The following KANSL1L variants were observed in gnomAD, a reference collection of about 807,000 sequenced individuals.
The protein encoded by KANSL1L is KAT8 regulatory NSL complex subunit 1 like.
Under a neutral mutation model 108.6 loss-of-function variants are expected in KANSL1L, and 25 were observed. The ratio of observed to expected loss-of-function variants is 0.23; its 90% CI spans 0.17 to 0.32. The LOEUF is 0.32. Among genes scored for constraint, KANSL1L ranks in the 10% least tolerant of loss-of-function variants. The pLI is 1.00. For missense variants in KANSL1L, 1,137 were observed against 1,125.7 expected, an observed-to-expected ratio of 1.01 and a Z score of -0.14; for synonymous variants, 405 against 395.1, an observed-to-expected ratio of 1.03 and a Z score of -0.30.
At chr2:210,158,328 A>G (rs757963250) in intron 1 of KANSL1L, among the ~76,000 whole-genome samples, 2 of 152,184 alleles carry the variant, frequency 1.3e-5, no homozygotes, top group Non-Finnish European at 2.9e-5. Flanking sequence ...TCTCCAACCA[A>G]CATATAGCAA....
chr2:210,101,782 T>G (rs2094796057), intron 4 of KANSL1L, among the ~76,000 whole-genome samples: 1 of 152,206 alleles, frequency 6.6e-6, no homozygotes, highest in African/African-American at 2.4e-5. Context: ...AATTATAAAT[T>G]TAACAAATAC....
At chr2:210,045,650 T>C (rs1204841643) in intron 6 of KANSL1L, among the ~76,000 whole-genome samples, 2 of 152,226 alleles carry the variant, frequency 1.3e-5, no homozygotes, top group Non-Finnish European at 2.9e-5. Context: ...TTTCTCCGAA[T>C]TCTCTCAGTT....
At chr2:210,166,138 C>T (rs1299505357) in intron 1 of KANSL1L, among the ~76,000 whole-genome samples, 1 of 152,114 alleles carries the variant, frequency 6.6e-6, no homozygotes. Flanking sequence ...AAAGGTCTTG[C>T]CCTGTTGTCT....
At chr2:210,061,734 T>C (rs528956587) in intron 6 of KANSL1L, among the ~76,000 whole-genome samples, 1 of 152,304 alleles carries the variant, frequency 6.6e-6, no homozygotes, top group Admixed American at 6.5e-5. Context: ...GCAAAAGATA[T>C]GATTCTCTTA....
chr2:210,151,619 T>A (rs1437673769), intron 2 of KANSL1L: 2 of 152,214 alleles, frequency 1.3e-5, no homozygotes, highest in Non-Finnish European at 2.9e-5. Flanking sequence ...TTACTTGGCT[T>A]TTTAACCATT....
At chr2:210,151,758 GA>G (rs2095305581) in intron 2 of KANSL1L, 1 of 152,090 alleles carries the variant, frequency 6.6e-6, no homozygotes, top group South Asian at 2.1e-4. Flanking sequence ...ATGCCAGCCA[GA>G]AAAATAATCT....
intron 9 of KANSL1L, among the ~76,000 whole-genome samples, chr2:210,030,563 T>C (rs2094003731): frequency 6.6e-6 from 1 of 150,514 alleles, no homozygotes; most frequent in Non-Finnish European, 1.5e-5. Context: ...GTAGTAAATA[T>C]ATATATGTAT....
At position 210,024,177 on chromosome 2, in the gene KANSL1L, T is replaced by C; in HGVS notation, c.2589A>G (p.Gly863=). 6.3e-7 allele frequency: 1 copy of C among 1,587,684 alleles called. No homozygotes were observed. The highest frequency in any genetic ancestry group is 8.6e-7 in the Non-Finnish European group (1 of 1,168,340). The change falls in exon 14 of 15, where the codon GGA becomes GGG. Residue 863 remains glycine, a synonymous_variant. Coordinates refer to ENST00000281772, the MANE Select transcript of KANSL1L (RefSeq NM_152519.4). ...NSRAYSKNVE[G]QDLLLKEYPN... ...GGTATTCTTTCAAAAGCAAGTCCTG[T>C]CCTTCAACATTTTTACTGTAAGCTC...
chr2:210,154,043 C>T lies in KANSL1L; in HGVS notation c.540G>A (p.Leu180=). Residue 180 remains leucine (L), a synonymous_variant, in exon 2 of 15, where the codon TTG becomes TTA. Transcript: ENST00000281772. ...TAATCTCAGCATCAGTAACTTTATC[C>T]AAAAGTGCATTCTCTTGATACCATT... The part of the protein sequence containing the change: ...NCKWYQENAL[L]DKVTDAEIKK... 2.5e-6 allele frequency: 4 copies of T among 1,613,760 alleles called. No individual in the cohort carries two copies. Among genetic ancestry groups the T allele is most frequent in the Non-Finnish European group, 3.4e-6 (4 of 1,179,848 alleles).
At chr2:210,158,331 T>C (rs528937192) in intron 1 of KANSL1L, among the ~76,000 whole-genome samples, 19 of 152,158 alleles carry the variant, frequency 1.2e-4, no homozygotes, top group Non-Finnish European at 2.5e-4. Flanking sequence ...CCAACCAACA[T>C]ATAGCAAAGA....
chr2:210,066,197 A>G (rs2094465802), intron 6 of KANSL1L, among the ~76,000 whole-genome samples: 2 of 152,154 alleles, frequency 1.3e-5, no homozygotes, highest in South Asian at 4.1e-4. Flanking sequence ...CTATATTTGC[A>G]TTTTGGGAGG....
chr2:210,099,818 C>T (rs1197285746), intron 4 of KANSL1L, among the ~76,000 whole-genome samples: 1 of 152,036 alleles, frequency 6.6e-6, no homozygotes, highest in Non-Finnish European at 1.5e-5. Context: ...CCCATAAAAT[C>T]TCACATACCC....
chr2:210,033,130 A>G (rs1393389511), intron 8 of KANSL1L, among the ~76,000 whole-genome samples: 1 of 152,206 alleles, frequency 6.6e-6, no homozygotes, highest in East Asian at 1.9e-4. Context: ...GACTAGAAAG[A>G]GTGAAAAGGA....
chr2:210,024,318 C>A, intron 13 of KANSL1L, 117 bp from the exon 14 acceptor site: 1 of 694,256 alleles, frequency 1.4e-6, no homozygotes, highest in Non-Finnish European at 2.2e-6. Context: ...ACAGTTTTGC[C>A]CAAAGATTTT....
At chr2:210,096,148 A>G (rs2094733890) in intron 5 of KANSL1L, among the ~76,000 whole-genome samples, 2 of 152,196 alleles carry the variant, frequency 1.3e-5, no homozygotes, top group Admixed American at 1.3e-4. Context: ...TGATTCCAAC[A>G]AAAACCTTTG....
At chr2:210,070,868 A>G (rs1190325653) in intron 6 of KANSL1L, among the ~76,000 whole-genome samples, 1 of 152,098 alleles carries the variant, frequency 6.6e-6, no homozygotes, top group Non-Finnish European at 1.5e-5. Context: ...TTTTTAAATA[A>G]AACATATGTA....
chr2:210,092,865 T>TG (rs1166523408), intron 5 of KANSL1L, among the ~76,000 whole-genome samples: 2 of 152,184 alleles, frequency 1.3e-5, no homozygotes, highest in East Asian at 3.9e-4. Context: ...GATGCAAACT[T>TG]GGATTGAAAA....
intron 6 of KANSL1L, among the ~76,000 whole-genome samples, chr2:210,053,363 G>A (rs1344185949): frequency 1.3e-5 from 2 of 152,142 alleles, no homozygotes; most frequent in East Asian, 1.9e-4. Context: ...TTGGGAGGCC[G>A]AGGTGGCCAG....
chr2:210,095,946 C>T (rs1288866457), intron 5 of KANSL1L, among the ~76,000 whole-genome samples: 1 of 151,952 alleles, frequency 6.6e-6, no homozygotes, highest in South Asian at 2.1e-4. Flanking sequence ...TTCATTGTTG[C>T]CAAAAATGTA....
Sources: gnomAD v4.1 joint callset for allele counts (sites outside exome capture counted in the v4.1 genomes callset) on GRCh38, gnomAD v4.1.1 for gene constraint, MANE v1.5 for transcripts, NCBI Gene and HGNC (gene_info 2026-07-23, HGNC 2026-07-21) for gene names.